The following MAF variants were observed in gnomAD, a reference collection of about 807,000 sequenced individuals.
MAF encodes the protein MAF bZIP transcription factor.
A neutral mutation model predicts 22.0 loss-of-function variants in MAF; 10 were observed. The ratio of observed to expected loss-of-function variants is 0.45; its 90% CI spans 0.28 to 0.77. The LOEUF (loss-of-function observed/expected upper bound fraction) is 0.77. Among genes scored for constraint, MAF ranks in the 30% least tolerant of loss-of-function variants. MAF has a pLI of 0.12. For missense variants in MAF, 544 were observed against 548.4 expected, an observed-to-expected ratio of 0.99 and a Z score of 0.08; for synonymous variants, 337 against 255.8, an observed-to-expected ratio of 1.32 and a Z score of -3.03.
the MAF span, chr16:79,212,083 C>T: frequency 9.9e-5 from 152 of 1,536,106 alleles, no homozygotes; most frequent in Non-Finnish European, 1.3e-4. Flanking sequence ...TCCGTATCTC[C>T]CTGGAGAAGC....
At chr16:79,587,586 T>C (rs1912924720) in intron 1 of MAF, among the ~76,000 whole-genome samples, 1 of 152,202 alleles carries the variant, frequency 6.6e-6, no homozygotes, top group Non-Finnish European at 1.5e-5. Flanking sequence ...TGAGATCATA[T>C]ACTTGTGAGG....
At chr16:79,272,803 TTTCCCTGCTGTCCTCCACGTTGACCTGA>T in the MAF span, among the ~76,000 whole-genome samples, 2 of 152,194 alleles carry the variant, frequency 1.3e-5, no homozygotes, top group East Asian at 3.9e-4. Flanking sequence ...ACCCGATATT[TTTCCCTGCTGTCCTCCACGTTGACCTGA>T]TTCCTTTGGT....
intron 1 of MAF, 139 bp downstream of exon 1, chr16:79,598,646 C>A: frequency 6.7e-7 from 1 of 1,497,414 alleles, no homozygotes. Context: ...TGTAGGGGGC[C>A]AAGGGGGCCA....
At chr16:79,501,129 G>A in the MAF span, among the ~76,000 whole-genome samples, 1 of 152,128 alleles carries the variant, frequency 6.6e-6, no homozygotes, top group African/African-American at 2.4e-5. Flanking sequence ...CACTCCCTCT[G>A]GAGACCCTGA....
the MAF span, among the ~76,000 whole-genome samples, chr16:79,237,066 A>C: frequency 6.6e-6 from 1 of 152,002 alleles, no homozygotes; most frequent in African/African-American, 2.4e-5. Flanking sequence ...GTGCCTTGAG[A>C]CAGGGTCAGT....
At position 79,593,948 on chromosome 16, in the gene MAF, G is replaced by A. The variant is rs936102148; in HGVS notation, c.*512C>T. 7 of 209,362 alleles carry A rather than the reference G, an allele frequency of 3.3e-5. No homozygotes were observed. The highest frequency in any genetic ancestry group is 5.5e-5 in the Admixed American group (1 of 18,252). 13.0% of individuals were successfully genotyped at this position (209,362 alleles called of 1,614,324 possible). On this transcript the variant is annotated 3_prime_UTR_variant, in exon 2 of 2. Transcript: ENST00000326043. ...AAATGCAACACCGTCTAGGGCCTAC[G>A]AGAAAACCAGGGGGCTCGGCTCCGC...
At chr16:79,514,823 T>A in the MAF span, among the ~76,000 whole-genome samples, 1,019 of 152,302 alleles carry the variant, frequency 6.7e-3, 15 homozygotes, top group African/African-American at 0.024. Context: ...GGAAGCCAGA[T>A]AAAAGTATGT....
At chr16:79,213,618 G>C in the MAF span, among the ~76,000 whole-genome samples, 1 of 152,166 alleles carries the variant, frequency 6.6e-6, no homozygotes, top group Non-Finnish European at 1.5e-5. Context: ...TTCCATCATA[G>C]GGAACGGCTC....
chr16:79,569,831 G>T, the MAF span, among the ~76,000 whole-genome samples: 1 of 152,294 alleles, frequency 6.6e-6, no homozygotes, highest in South Asian at 2.1e-4. Context: ...CCTAGAGGGA[G>T]CTGTCCCCGG....
chr16:79,452,706 C>A, the MAF span, among the ~76,000 whole-genome samples: 1 of 152,168 alleles, frequency 6.6e-6, no homozygotes, highest in Admixed American at 6.5e-5. Context: ...CATGGCCATG[C>A]AACTGAGTCC....
At chr16:79,333,309 A>T in the MAF span, among the ~76,000 whole-genome samples, 5 of 152,270 alleles carry the variant, frequency 3.3e-5, no homozygotes, top group East Asian at 9.7e-4. Flanking sequence ...AGACTCTGGG[A>T]TCAGGGGTGG....
At chr16:79,358,287 A>T in the MAF span, among the ~76,000 whole-genome samples, 1 of 152,190 alleles carries the variant, frequency 6.6e-6, no homozygotes, top group African/African-American at 2.4e-5. Context: ...CCTCGACCCC[A>T]GCAGGCTACA....
the MAF span, among the ~76,000 whole-genome samples, chr16:79,226,991 T>A: frequency 2.0e-5 from 3 of 152,084 alleles, 1 homozygote; most frequent in Admixed American, 6.6e-5. Flanking sequence ...TAGGGCTACA[T>A]GGCACCAAGA....
At chr16:79,465,790 C>G in the MAF span, among the ~76,000 whole-genome samples, 1 of 152,114 alleles carries the variant, frequency 6.6e-6, no homozygotes, top group Non-Finnish European at 1.5e-5. Context: ...GTAGTAGGGT[C>G]TATCTCCAAT....
At chr16:79,340,818 C>A in the MAF span, among the ~76,000 whole-genome samples, 1 of 152,122 alleles carries the variant, frequency 6.6e-6, no homozygotes, top group African/African-American at 2.4e-5. Context: ...CCCTGGGAAG[C>A]AAATCGCCCC....
chr16:79,301,900 G>A, the MAF span, among the ~76,000 whole-genome samples: 1 of 152,222 alleles, frequency 6.6e-6, no homozygotes, highest in Non-Finnish European at 1.5e-5. Context: ...GCTCAGAGAA[G>A]TTAGGTTACT....
chr16:79,255,971 TCTTTTCTTTTC>T, the MAF span, among the ~76,000 whole-genome samples: 187 of 131,180 alleles, frequency 1.4e-3, 2 homozygotes, highest in Middle Eastern at 8.0e-3. Context: ...TTTTCTTTTT[TCTTTTCTTTTC>T]TTTTTTTTTT....
the MAF span, among the ~76,000 whole-genome samples, chr16:79,259,330 C>A: frequency 6.6e-6 from 1 of 152,196 alleles, no homozygotes; most frequent in African/African-American, 2.4e-5. Flanking sequence ...TCACCAGCCA[C>A]CAGCCACCAC....
the MAF span, among the ~76,000 whole-genome samples, chr16:79,240,197 G>A: frequency 6.6e-6 from 1 of 151,750 alleles, no homozygotes; most frequent in Admixed American, 6.6e-5. Flanking sequence ...ATACTGGATT[G>A]ACATTCAGGA....
Sources: gnomAD v4.1 joint callset for allele counts (sites outside exome capture counted in the v4.1 genomes callset) on GRCh38, gnomAD v4.1.1 for gene constraint, MANE v1.5 for transcripts, NCBI Gene and HGNC (gene_info 2026-07-23, HGNC 2026-07-21) for gene names.